The following LTO1 variants were observed in gnomAD, a reference collection of about 807,000 sequenced individuals.
The protein encoded by LTO1 is protein LTO1 homolog.
In LTO1, 18 loss-of-function variants were observed where a neutral mutation model predicts 19.8. The observed-to-expected ratio is 0.91, with a 90% CI of 0.63 to 1.35. LTO1 has a LOEUF of 1.35. LTO1 is among the 40% of genes most tolerant of loss of function. LTO1 has a pLI of 0.00. For synonymous variants in LTO1, 59 were observed against 59.6 expected (o/e 0.99, Z 0.05); for missense variants, 175 against 167.9 (o/e 1.04, Z -0.23).
chr11:69,669,027 CAAAA>C (rs33977473), intron 3 of LTO1, among the ~76,000 whole-genome samples: 17 of 110,610 alleles, frequency 1.5e-4, no homozygotes, highest in East Asian at 8.4e-4. Flanking sequence ...GAATCCGTCT[CAAAA>C]AAAAAAAAAA....
rs1236320182 is a variant in LTO1 at position 69,665,997 on chromosome 11, A to C, written c.*1522T>G. 1 of 152,164 alleles carries C rather than the reference A, an allele frequency of 6.6e-6. No homozygotes were observed. 9.4% of individuals were successfully genotyped at this position (152,164 alleles called of 1,614,324 possible). A position where few individuals can be genotyped will look rare whatever the true frequency, so the allele number is the denominator to read the frequency against. ...AGGCAAAACCCCATCTCTACTAAAAATACAAAAGTTACTTGGGCGTGGTGG... is the reference window on the plus strand; with the variant it reads ...AGGCAAAACCCCATCTCTACTAAAACTACAAAAGTTACTTGGGCGTGGTGG... On this transcript the variant is annotated 3_prime_UTR_variant, in exon 5 of 5. Transcript: ENST00000279147.
chr11:69,675,121 G>T, intron 1 of LTO1, 69 bp downstream of exon 1: 1 of 1,437,178 alleles, frequency 7.0e-7, no homozygotes, highest in Non-Finnish European at 9.7e-7. Context: ...GCCCTGGGCC[G>T]CAGCCGGCGG....
chr11:69,671,470 A>G, intron 3 of LTO1: 1 of 330,984 alleles, frequency 3.0e-6, no homozygotes, highest in East Asian at 5.1e-5. Context: ...GGTATCTAAA[A>G]GCCACATGGT....
Position 69,673,199 on chromosome 11 carries a change from TG to T in LTO1, c.156+16del, listed in dbSNP as rs1267900690. 2.2e-6 allele frequency: 3 copies of T among 1,336,740 alleles called. No individual in the cohort carries two copies. The highest frequency in any genetic ancestry group is 3.2e-6 in the Non-Finnish European group (3 of 926,542). 82.8% of individuals were successfully genotyped at this position (1,336,740 alleles called of 1,614,324 possible). On this transcript the variant is annotated intron_variant, in intron 2 of 4. Transcript: ENST00000279147. The stretch of plus-strand genomic sequence containing the variant: ...TAAATGAAGAGGCTTCATCTCCAGA[TG>T]GGGGTTCCCACTTACCTCAGACCCG...
At chr11:69,671,022 T>G (rs1301038951) in intron 3 of LTO1, among the ~76,000 whole-genome samples, 1 of 152,130 alleles carries the variant, frequency 6.6e-6, no homozygotes, top group African/African-American at 2.4e-5. Flanking sequence ...AACCTCAGCC[T>G]CCCGAGTAGC....
intron 2 of LTO1, chr11:69,672,986 G>A (rs1856129354): frequency 3.7e-6 from 2 of 536,978 alleles, no homozygotes; most frequent in African/African-American, 3.8e-5. Flanking sequence ...ATTTTTAGTA[G>A]AGACAGGGTT....
chr11:69,671,649 T>C (rs1002506466), intron 3 of LTO1, 100 bp downstream of exon 3: 2 of 739,062 alleles, frequency 2.7e-6, no homozygotes, highest in Non-Finnish European at 4.9e-6. Context: ...ATTTTACAGA[T>C]GAGGAACAGA....
At chr11:69,674,583 A>G in intron 1 of LTO1, 1 of 358,154 alleles carries the variant, frequency 2.8e-6, no homozygotes, top group Admixed American at 3.7e-5. Flanking sequence ...CCAGGGTGGA[A>G]CGTTTAGCTC....
intron 1 of LTO1, 96 bp downstream of exon 1, chr11:69,675,094 G>C: frequency 8.8e-7 from 1 of 1,132,720 alleles, no homozygotes; most frequent in Non-Finnish European, 1.3e-6. Flanking sequence ...CCCAAGGGAC[G>C]CCAGGCTCCA....
chr11:69,672,143 T>C, intron 2 of LTO1: 1 of 318,534 alleles, frequency 3.1e-6, no homozygotes, highest in South Asian at 3.1e-5. Flanking sequence ...TAAAAGCCAG[T>C]GTCACTTGCC....
Position 69,668,052 on chromosome 11 carries a change from A to C in LTO1, c.228-40T>G, listed in dbSNP as rs1308725477. ...AATACAGACTCTCAGTCATGTGCACACAACAGGCTCAACTTACACAACAGC... is the reference window on the plus strand; with the variant it reads ...AATACAGACTCTCAGTCATGTGCACCCAACAGGCTCAACTTACACAACAGC... On this transcript the variant is annotated intron_variant, in intron 3 of 4. Transcript: ENST00000279147. The C allele has an allele frequency of 5.0e-6, 5 of 994,170 alleles. No individual in the cohort carries two copies. The East Asian group carries it at 1.2e-4, about 24-fold the overall frequency. 61.6% of individuals were successfully genotyped at this position (994,170 alleles called of 1,614,324 possible).
chr11:69,675,270 G>C lies in LTO1; in HGVS notation c.-31C>G. On this transcript the variant is annotated 5_prime_UTR_variant, in exon 1 of 5. Transcript: ENST00000279147. ...CAAGCAGCCCGCCCTTGGCCCCCGG[G>C]TTTCTGCAGCCCCGCGGTGCCGTAG... is the stretch of plus-strand genomic sequence containing the variant. 6.8e-7 allele frequency: 1 copy of C among 1,475,488 alleles called. No individual in the cohort carries two copies. Among genetic ancestry groups the C allele is most frequent in the South Asian group, 1.4e-5 (1 of 70,642 alleles). 91.4% of individuals were successfully genotyped at this position (1,475,488 alleles called of 1,614,324 possible).
intron 1 of LTO1, 146 bp downstream of exon 1, chr11:69,675,044 C>A (rs1376851045): frequency 9.6e-6 from 7 of 732,438 alleles, no homozygotes; most frequent in African/African-American, 5.3e-5. Context: ...CCACACTTGT[C>A]CCTGCGTCCA....
intron 3 of LTO1, 150 bp downstream of exon 3, chr11:69,671,599 C>A: frequency 1.6e-6 from 1 of 628,570 alleles, no homozygotes; most frequent in East Asian, 2.7e-5. Flanking sequence ...TCCGTTAAAT[C>A]TCCTAACAAC....
intron 3 of LTO1, chr11:69,671,532 C>T (rs1856108596): frequency 3.9e-6 from 2 of 518,284 alleles, no homozygotes; most frequent in Non-Finnish European, 6.9e-6. Context: ...TGAGAAGCAA[C>T]AACAGCCAGT....
At chr11:69,671,994 G>A (rs1856116694) in intron 2 of LTO1, 175 bp from the exon 3 acceptor site, 2 of 582,606 alleles carry the variant, frequency 3.4e-6, no homozygotes, top group South Asian at 1.8e-5. Context: ...GGTCATCGGT[G>A]GGGCAGCCAG....
intron 4 of LTO1, 32 bp from the exon 5 acceptor site, chr11:69,667,619 C>T: frequency 6.8e-7 from 1 of 1,475,986 alleles, no homozygotes; most frequent in Admixed American, 1.7e-5. Context: ...TATTTTTAAT[C>T]TTGTGCATTT....
chr11:69,675,168 C>T (rs1856172529), intron 1 of LTO1, 22 bp downstream of exon 1: 7 of 1,582,852 alleles, frequency 4.4e-6, no homozygotes, highest in South Asian at 1.1e-5. Flanking sequence ...GGGCGGGGTG[C>T]GGGCCCGGCC....
chr11:69,675,154 G>A lies in LTO1; in HGVS notation c.50+36C>T, dbSNP rs747003126. The stretch of plus-strand genomic sequence containing the variant: ...CGGCGAAGCCGCTGGGAGACGACCA[G>A]ACAGGGCGGGGTGCGGGCCCGGCCT... On this transcript the variant is annotated intron_variant, in intron 1 of 4. Coordinates refer to ENST00000279147, the MANE Select transcript of LTO1 (RefSeq NM_153451.3). 111 of 1,585,562 alleles carry A rather than the reference G, an allele frequency of 7.0e-5. 1 individual carries two copies. In the Middle Eastern group the frequency reaches 8.3e-4, roughly 12 times the overall value.
Sources: allele counts gnomAD v4.1 joint callset (sites outside exome capture counted in the v4.1 genomes callset), GRCh38; gene constraint gnomAD v4.1.1; transcripts MANE v1.5; gene names NCBI Gene and HGNC (gene_info 2026-07-23, HGNC 2026-07-21).